TOX: variants seen among roughly 807,000 people sequenced by gnomAD.
TOX encodes the protein thymocyte selection associated high mobility group box.
Under a neutral mutation model 53.7 loss-of-function variants are expected in TOX, and 11 were observed. The observed-to-expected ratio is 0.20, with a 90% confidence interval of 0.13 to 0.34. The LOEUF (loss-of-function observed/expected upper bound fraction) is 0.34. TOX is among the 10% of genes least tolerant of loss of function. The probability of loss-of-function intolerance (pLI) is 1.00; values close to 1 mark genes in which losing one functional copy is unlikely to be tolerated. For missense variants in TOX, 570 were observed against 664.6 expected (o/e 0.86, Z 1.56); for synonymous variants, 225 against 245.3 (o/e 0.92, Z 0.77).
At chr8:59,107,373 G>A (rs1804933331) in intron 1 of TOX, among the ~76,000 whole-genome samples, 1 of 152,064 alleles carries the variant, frequency 6.6e-6, no homozygotes. Context: ...TAGCATATTA[G>A]TGTGCTTTAA....
chr8:58,859,791 G>C (rs1467603919), intron 3 of TOX, among the ~76,000 whole-genome samples: 1 of 152,184 alleles, frequency 6.6e-6, no homozygotes, highest in Non-Finnish European at 1.5e-5. Context: ...AAACATCACT[G>C]AAGAGTCTTA....
chr8:58,921,611 C>A (rs763601022), intron 3 of TOX, among the ~76,000 whole-genome samples: 2 of 152,148 alleles, frequency 1.3e-5, no homozygotes, highest in Non-Finnish European at 2.9e-5. Flanking sequence ...TAACTAGATT[C>A]CTAGAGGCAG....
chr8:58,809,991 TTTG>T (rs1220259717), intron 7 of TOX, among the ~76,000 whole-genome samples: 3 of 152,146 alleles, frequency 2.0e-5, no homozygotes, highest in African/African-American at 4.8e-5. Context: ...TTCCTATCTT[TTTG>T]TTGTTGTTAG....
At chr8:59,038,036 G>A (rs1803501969) in intron 1 of TOX, among the ~76,000 whole-genome samples, 1 of 152,106 alleles carries the variant, frequency 6.6e-6, no homozygotes, top group Non-Finnish European at 1.5e-5. Flanking sequence ...TGAAATGCCA[G>A]ACTTCCCTGT....
At chr8:59,032,142 A>G (rs1033765932) in intron 1 of TOX, among the ~76,000 whole-genome samples, 8 of 152,174 alleles carry the variant, frequency 5.3e-5, no homozygotes, top group African/African-American at 1.9e-4. Flanking sequence ...AGAGGAAGAG[A>G]TGGACCCAAT....
chr8:58,938,148 G>A (rs1563394905), intron 3 of TOX, among the ~76,000 whole-genome samples: 1 of 152,028 alleles, frequency 6.6e-6, no homozygotes, highest in Admixed American at 6.6e-5. Context: ...TAGGCTCTGG[G>A]TTTCATTCTC....
At chr8:59,005,235 TC>T (rs1813767910) in intron 1 of TOX, among the ~76,000 whole-genome samples, 5 of 152,124 alleles carry the variant, frequency 3.3e-5, no homozygotes, top group Admixed American at 3.3e-4. Flanking sequence ...AGACGGGGTT[TC>T]ACCGTGTTAG....
intron 1 of TOX, among the ~76,000 whole-genome samples, chr8:58,993,206 A>T (rs1813489357): frequency 6.6e-6 from 1 of 152,310 alleles, no homozygotes; most frequent in East Asian, 1.9e-4. Context: ...GAATCTCTAC[A>T]TAAGAGAGGT....
intron 3 of TOX, among the ~76,000 whole-genome samples, chr8:58,891,739 A>G (rs1485789668): frequency 6.6e-6 from 1 of 152,194 alleles, no homozygotes; most frequent in Non-Finnish European, 1.5e-5. Context: ...GAGAGACTGG[A>G]GTGCTTGAAT....
chr8:59,091,584 T>C (rs968515269), intron 1 of TOX, among the ~76,000 whole-genome samples: 2 of 152,154 alleles, frequency 1.3e-5, no homozygotes, highest in Non-Finnish European at 2.9e-5. Flanking sequence ...TGTTACCTCA[T>C]CTGTAAAATG....
At chr8:58,997,800 T>C (rs1281931399) in intron 1 of TOX, among the ~76,000 whole-genome samples, 3 of 152,186 alleles carry the variant, frequency 2.0e-5, no homozygotes, top group Non-Finnish European at 4.4e-5. Context: ...TTGTTTTGTT[T>C]TGTTTTTTTT....
At chr8:58,860,676 G>A (rs1241469950) in intron 3 of TOX, among the ~76,000 whole-genome samples, 4 of 152,092 alleles carry the variant, frequency 2.6e-5, no homozygotes, top group Non-Finnish European at 5.9e-5. Context: ...GTATCTATGG[G>A]GACCTTCCCT....
intron 1 of TOX, among the ~76,000 whole-genome samples, chr8:59,011,401 C>T (rs1339128323): frequency 1.3e-5 from 2 of 152,224 alleles, no homozygotes; most frequent in Non-Finnish European, 2.9e-5. Flanking sequence ...GCCAGGCTCA[C>T]TCTCTAACCG....
chr8:58,873,289 G>A (rs1364911643), intron 3 of TOX, among the ~76,000 whole-genome samples: 1 of 152,042 alleles, frequency 6.6e-6, no homozygotes, highest in Admixed American at 6.6e-5. Flanking sequence ...ACAACATGAT[G>A]ATACTTTAAA....
At chr8:59,108,486 C>CA (rs1306797567) in intron 1 of TOX, among the ~76,000 whole-genome samples, 5 of 152,080 alleles carry the variant, frequency 3.3e-5, no homozygotes, top group African/African-American at 1.2e-4. Flanking sequence ...TTATTGTAGG[C>CA]ATTATATATT....
In TOX at chr8:58,844,720, G is replaced by A. The variant is rs182249303; in HGVS notation, c.694-6409C>T. Among the ~76,000 whole-genome samples the A allele has an allele frequency of 1.6e-3, 237 of 152,110 alleles. 6 individuals carry two copies. Among genetic ancestry groups the A allele is most frequent in the Admixed American group, 0.014 (221 of 15,276 alleles). On this transcript the variant is annotated intron_variant, in intron 4 of 8. Coordinates refer to ENST00000361421, the MANE Select transcript of TOX (RefSeq NM_014729.3). Reference sequence around the variant, plus strand: ...GCAACTAAAACATGGCTGAGCTGAGGCCCTAAATGTCGCCCTGATTACCCA... The same window carrying A: ...GCAACTAAAACATGGCTGAGCTGAGACCCTAAATGTCGCCCTGATTACCCA...
At chr8:58,907,609 A>G (rs1458500077) in intron 3 of TOX, among the ~76,000 whole-genome samples, 1 of 152,136 alleles carries the variant, frequency 6.6e-6, no homozygotes, top group Non-Finnish European at 1.5e-5. Flanking sequence ...AAAAAAGTGA[A>G]TTAGCTTAAA....
chr8:58,998,533 ATAT>A (rs1234037931), intron 1 of TOX, among the ~76,000 whole-genome samples: 425 of 41,186 alleles, frequency 0.01, 14 homozygotes, highest in African/African-American at 0.055. Context: ...ATATATATAT[ATAT>A]ATAAATTTAT....
chr8:59,045,034 C>T (rs1020679968), intron 1 of TOX, among the ~76,000 whole-genome samples: 1 of 152,238 alleles, frequency 6.6e-6, no homozygotes, highest in Admixed American at 6.5e-5. Flanking sequence ...TGCACACTCA[C>T]CTTGTACAGA....
Sources: gnomAD v4.1 joint callset for allele counts (sites outside exome capture counted in the v4.1 genomes callset) on GRCh38, gnomAD v4.1.1 for gene constraint, MANE v1.5 for transcripts, NCBI Gene and HGNC (gene_info 2026-07-23, HGNC 2026-07-21) for gene names.